ZEB1: variants seen among roughly 807,000 people sequenced by gnomAD.
ZEB1 encodes the protein zinc finger E-box-binding homeobox 1.
In ZEB1, 21 loss-of-function variants were observed where a neutral mutation model predicts 84.9. The ratio of observed to expected loss-of-function variants is 0.25; its 90% CI spans 0.18 to 0.36. The LOEUF (loss-of-function observed/expected upper bound fraction) is 0.36. ZEB1 is among the 10% of genes least tolerant of loss of function. ZEB1 has a pLI of 1.00. For missense variants in ZEB1, 1,104 were observed against 1,330.2 expected, an observed-to-expected ratio of 0.83 and a Z score of 2.65; for synonymous variants, 420 against 471.1, an observed-to-expected ratio of 0.89 and a Z score of 1.41.
chr10:31,396,297 C>T (rs953881953), intron 1 of ZEB1, among the ~76,000 whole-genome samples: 2 of 152,098 alleles, frequency 1.3e-5, no homozygotes, highest in Admixed American at 1.3e-4. Flanking sequence ...TTGTTACTGG[C>T]ACGATGGTGG....
rs1177827813 is a variant in ZEB1, at chr10:31,502,913, T to C, written c.484+404T>C. Among the ~76,000 whole-genome samples, 15 of 152,162 alleles carry C rather than the reference T, an allele frequency of 9.9e-5. 1 individual carries two copies. Among genetic ancestry groups the C allele is most frequent in the Admixed American group, 9.8e-4 (15 of 15,266 alleles). ...ACTAATTTGGAAACAGTGGTTTTCC[T>C]GAATCTGCCTTAGTCCACTCTGATA... On this transcript the variant is annotated intron_variant, in intron 4 of 8. Coordinates refer to ENST00000424869, the MANE Select transcript of ZEB1 (RefSeq NM_001174096.2).
intron 2 of ZEB1, among the ~76,000 whole-genome samples, chr10:31,471,319 A>G (rs1418263765): frequency 7.4e-6 from 1 of 134,740 alleles, no homozygotes; most frequent in Non-Finnish European, 1.6e-5. Flanking sequence ...CAGGAAACCC[A>G]TCTCACGTGC....
chr10:31,497,000 A>G, intron 3 of ZEB1, among the ~76,000 whole-genome samples: 1 of 152,168 alleles, frequency 6.6e-6, no homozygotes, highest in East Asian at 1.9e-4. Flanking sequence ...TGGTGCGTAT[A>G]GCCTGCGATT....
At position 31,321,276 on chromosome 10, in the gene ZEB1, T is replaced by G. The variant is rs906082234; in HGVS notation, c.58+1984T>G. On this transcript the variant is annotated intron_variant, in intron 1 of 8. Coordinates refer to ENST00000424869, the MANE Select transcript of ZEB1 (RefSeq NM_001174096.2). ...AAGATGTTTCCTTCCAATCCATAAT[T>G]ATATTTTTAATATATTCGAGCCATC... The G allele has an allele frequency of 3.7e-6, 5 of 1,334,810 alleles. No individual in the cohort carries two copies. The African/African-American group carries it at 7.4e-5, about 20-fold the overall frequency. 82.7% of individuals were successfully genotyped at this position (1,334,810 alleles called of 1,614,324 possible). A position where few individuals can be genotyped will look rare whatever the true frequency, so the allele number is the denominator to read the frequency against.
At chr10:31,351,271 AGGATTTTATTTCT>A (rs1348847646) in intron 1 of ZEB1, among the ~76,000 whole-genome samples, 1 of 152,214 alleles carries the variant, frequency 6.6e-6, no homozygotes, top group Non-Finnish European at 1.5e-5. Context: ...TTAGCAAAAT[AGGATTTTATTTCT>A]GGATATAGAA....
chr10:31,386,497 G>T (rs963806969), intron 1 of ZEB1, among the ~76,000 whole-genome samples: 1 of 151,370 alleles, frequency 6.6e-6, no homozygotes. Flanking sequence ...CTTAATCATC[G>T]CAATTTTTTA....
chr10:31,473,219 C>G (rs998811309), intron 2 of ZEB1, among the ~76,000 whole-genome samples: 4 of 150,914 alleles, frequency 2.7e-5, no homozygotes, highest in African/African-American at 4.9e-5. Context: ...GGCAATTAGG[C>G]AGGAGAAGGA....
intron 2 of ZEB1, among the ~76,000 whole-genome samples, chr10:31,490,736 G>T (rs752067056): frequency 6.6e-6 from 1 of 151,542 alleles, no homozygotes; most frequent in South Asian, 2.1e-4. Flanking sequence ...TTCTTCACAT[G>T]CCAAGTAATT....
chr10:31,523,875 T>A, intron 7 of ZEB1, 58 bp from the exon 8 acceptor site: 1 of 1,571,350 alleles, frequency 6.4e-7, no homozygotes, highest in South Asian at 1.1e-5. Flanking sequence ...CTTTTATGTA[T>A]ATCTCTTGTT....
chr10:31,465,459 A>AAATAT (rs2062297198), intron 2 of ZEB1, among the ~76,000 whole-genome samples: 3 of 149,762 alleles, frequency 2.0e-5, no homozygotes, highest in African/African-American at 7.3e-5. Flanking sequence ...GATTGCAAAA[A>AAATAT]ATATATATAT....
intron 5 of ZEB1, among the ~76,000 whole-genome samples, chr10:31,514,285 T>A (rs1193338056): frequency 6.6e-6 from 1 of 152,148 alleles, no homozygotes; most frequent in Non-Finnish European, 1.5e-5. Flanking sequence ...TATATTACTT[T>A]ATTTTTACTA....
At chr10:31,442,449 C>T (rs569775579) in intron 1 of ZEB1, among the ~76,000 whole-genome samples, 7 of 151,968 alleles carry the variant, frequency 4.6e-5, no homozygotes, top group Non-Finnish European at 8.8e-5. Context: ...AGGAGATACA[C>T]CTAATGTAAA....
In ZEB1 at chr10:31,526,934, G is replaced by A. The variant is rs200948247; in HGVS notation, c.3048G>A (p.Ala1016=). The A allele has an allele frequency of 8.3e-5, 134 of 1,614,054 alleles. No homozygotes were observed. The East Asian group carries it at 1.0e-3, about 12-fold the overall frequency. Residue 1016 remains alanine, a synonymous_variant, in exon 9 of 9, where the codon GCG becomes GCA. Coordinates refer to ENST00000424869, the MANE Select transcript of ZEB1 (RefSeq NM_001174096.2). ...ILSNEHVGAR[A]SPSQGDSDER... ...CGAATGAGCACGTGGGTGCCAGGGCGTCTCCCTCACAGGGCGACTCGGACG... is the reference window on the plus strand; with the variant it reads ...CGAATGAGCACGTGGGTGCCAGGGCATCTCCCTCACAGGGCGACTCGGACG...
At chr10:31,503,008 G>C (rs2068383295) in intron 4 of ZEB1, among the ~76,000 whole-genome samples, 1 of 152,130 alleles carries the variant, frequency 6.6e-6, no homozygotes, top group African/African-American at 2.4e-5. Context: ...GAAGAAATAG[G>C]CTGTGATACA....
chr10:31,397,108 C>G (rs1379723728), intron 1 of ZEB1, among the ~76,000 whole-genome samples: 2 of 148,036 alleles, frequency 1.4e-5, no homozygotes, highest in Non-Finnish European at 3.0e-5. Flanking sequence ...CTCCACCTCC[C>G]GGGTTCAAGC....
At chr10:31,348,285 T>A (rs1428165153) in intron 1 of ZEB1, among the ~76,000 whole-genome samples, 2 of 152,112 alleles carry the variant, frequency 1.3e-5, no homozygotes, top group African/African-American at 4.8e-5. Context: ...GAGTCTAGGC[T>A]GGGTGCAGTG....
At chr10:31,375,761 G>T (rs939783803) in intron 1 of ZEB1, among the ~76,000 whole-genome samples, 1 of 151,712 alleles carries the variant, frequency 6.6e-6, no homozygotes, top group Non-Finnish European at 1.5e-5. Flanking sequence ...AAGTTCGAAT[G>T]AGAAAAATTT....
chr10:31,524,953 A>G (rs1234518016), intron 8 of ZEB1, among the ~76,000 whole-genome samples: 1 of 152,198 alleles, frequency 6.6e-6, no homozygotes, highest in Non-Finnish European at 1.5e-5. Context: ...ATGCCTCCTT[A>G]GGTTGACTCA....
intron 5 of ZEB1, among the ~76,000 whole-genome samples, 183 bp from the exon 6 acceptor site, chr10:31,514,420 T>G (rs754084470): frequency 7.2e-5 from 11 of 152,158 alleles, no homozygotes; most frequent in Non-Finnish European, 1.6e-4. Context: ...TACATTTTTG[T>G]GACTGCTACA....
Sources: allele counts gnomAD v4.1 joint callset (sites outside exome capture counted in the v4.1 genomes callset), GRCh38; gene constraint gnomAD v4.1.1; transcripts MANE v1.5; gene names NCBI Gene and HGNC (gene_info 2026-07-23, HGNC 2026-07-21).